ACBD3: variants seen among roughly 807,000 people sequenced by gnomAD.
ACBD3 encodes Golgi resident protein GCP60.
A neutral mutation model predicts 66.9 loss-of-function variants in ACBD3; 30 were observed. The ratio of observed to expected loss-of-function variants is 0.45; its 90% CI spans 0.34 to 0.61. The LOEUF (loss-of-function observed/expected upper bound fraction) is 0.61, where lower values mean the gene tolerates loss of function less well. Among genes scored for constraint, ACBD3 ranks in the 20% least tolerant of loss-of-function variants. The pLI is 0.02. For synonymous variants in ACBD3, 278 were observed against 259.8 expected, an observed-to-expected ratio of 1.07 and a Z score of -0.68; for missense variants, 544 against 664.5, an observed-to-expected ratio of 0.82 and a Z score of 1.99.
rs1311483073 is a variant in ACBD3, at chr1:226,181,806, C to A, written c.286+4584G>T. Among the ~76,000 whole-genome samples, 6 of 152,054 alleles carry A rather than the reference C, an allele frequency of 3.9e-5. 1 individual carries two copies. The South Asian group carries it at 1.2e-3, about 31-fold the overall frequency. ...AGTCCACCCCAAAGAACTCTAAAAA[C>A]CAAAATACAATTCCCCAGGTCAACT... On this transcript the variant is annotated intron_variant, in intron 1 of 7. Transcript: ENST00000366812.
chr1:226,169,744 G>A (rs1173248551), intron 1 of ACBD3, among the ~76,000 whole-genome samples: 4 of 150,776 alleles, frequency 2.7e-5, no homozygotes, highest in Non-Finnish European at 4.4e-5. Flanking sequence ...TTAAGCAGCC[G>A]GGCACAGTGG....
Position 226,164,610 on chromosome 1 carries a change from C to G in ACBD3, c.569+179G>C, listed in dbSNP as rs533489727. Among the ~76,000 whole-genome samples the G allele has an allele frequency of 1.1e-4, 16 of 152,226 alleles. No homozygotes were observed. In the South Asian group the frequency reaches 2.3e-3, roughly 22 times the overall value. On this transcript the variant is annotated intron_variant, in intron 3 of 7. Coordinates refer to ENST00000366812, the MANE Select transcript of ACBD3 (RefSeq NM_022735.4). ...CAGTAGGAAGCAGTCCTCCCTCCCC[C>G]CAAAACTTATAATACAAGTACCTGT...
Position 226,186,488 on chromosome 1 carries a change from G to A in ACBD3, c.188C>T (p.Ala63Val), listed in dbSNP as rs1254788829. 3.4e-6 allele frequency: 5 copies of A among 1,487,084 alleles called. No homozygotes were observed. The Admixed American group carries it at 1.1e-4, about 34-fold the overall frequency. 92.1% of individuals were successfully genotyped at this position (1,487,084 alleles called of 1,614,324 possible). The change falls in exon 1 of 8, where the codon GCG becomes GTG. Residue 63 changes from alanine (A) to valine (V), a missense_variant. Ala to Val is a moderately conservative substitution (Grantham distance 64). Coordinates refer to ENST00000366812, the MANE Select transcript of ACBD3 (RefSeq NM_022735.4). ...ASGEQPEPGE[A>V]AAGGAAEEAR... Reference sequence around the variant, plus strand: ...CTCCTCCGCCGCGCCCCCAGCCGCCGCCTCCCCGGGCTCGGGCTGCTCCCC... The same window carrying A: ...CTCCTCCGCCGCGCCCCCAGCCGCCACCTCCCCGGGCTCGGGCTGCTCCCC...
At chr1:226,147,891 G>A (rs1265407055) in intron 7 of ACBD3, 1 of 152,152 alleles carries the variant, frequency 6.6e-6, no homozygotes, top group Admixed American at 6.5e-5. Context: ...GAGGTCAAGG[G>A]AGTATTCAGC....
intron 5 of ACBD3, among the ~76,000 whole-genome samples, chr1:226,157,459 G>A (rs757369225): frequency 1.3e-5 from 2 of 152,010 alleles, no homozygotes; most frequent in Non-Finnish European, 2.9e-5. Flanking sequence ...GGCTGTTCTC[G>A]AACTCCCAAC....
In ACBD3 at chr1:226,146,782, T is replaced by C. The variant is rs745459470; in HGVS notation, c.1415A>G (p.Asn472Ser). The change falls in exon 8 of 8, where the codon AAC becomes AGC. Residue 472 changes from asparagine to serine, a missense_variant. Asn to Ser is a conservative substitution (Grantham distance 46). Coordinates refer to ENST00000366812, the MANE Select transcript of ACBD3 (RefSeq NM_022735.4). ...GCEEKAKKNA[N>S]KPLLDEIVPV... is the part of the protein sequence containing the mutation. Reference sequence around the variant, plus strand: ...CACAATCTCATCCAGCAAAGGCTTGTTGGCATTCTTTTTGGCTTTCTCTTC... The same window carrying C: ...CACAATCTCATCCAGCAAAGGCTTGCTGGCATTCTTTTTGGCTTTCTCTTC... 2.2e-5 allele frequency: 36 copies of C among 1,614,076 alleles called. No homozygotes were observed. The highest frequency in any genetic ancestry group is 6.7e-5 in the Admixed American group (4 of 59,984).
intron 5 of ACBD3, among the ~76,000 whole-genome samples, chr1:226,157,431 G>A (rs1240630356): frequency 6.6e-6 from 1 of 152,094 alleles, no homozygotes; most frequent in African/African-American, 2.4e-5. Flanking sequence ...TAGAGATGGG[G>A]TTTCTCCATA....
At chr1:226,173,262 C>T (rs1211655633) in intron 1 of ACBD3, among the ~76,000 whole-genome samples, 1 of 152,070 alleles carries the variant, frequency 6.6e-6, no homozygotes, top group Admixed American at 6.6e-5. Context: ...CAGAGTGAGA[C>T]CCTGTCTCAA....
intron 4 of ACBD3, among the ~76,000 whole-genome samples, chr1:226,159,572 T>A (rs989518800): frequency 1.3e-5 from 2 of 152,122 alleles, no homozygotes; most frequent in Admixed American, 1.3e-4. Context: ...CCAGGAAAAT[T>A]CGGGATGGAA....
chr1:226,180,998 C>CA (rs540018230), intron 1 of ACBD3, among the ~76,000 whole-genome samples: 1,816 of 84,008 alleles, frequency 0.022, 36 homozygotes, highest in African/African-American at 0.072. Context: ...GACTCCATCT[C>CA]AAAAAAAAAA....
intron 5 of ACBD3, 108 bp downstream of exon 5, chr1:226,159,076 T>C: frequency 7.8e-7 from 1 of 1,283,784 alleles, no homozygotes. Context: ...CTTTACACCT[T>C]AGAGGCTAAC....
At chr1:226,173,584 G>GA (rs949091694) in intron 1 of ACBD3, among the ~76,000 whole-genome samples, 173 of 151,016 alleles carry the variant, frequency 1.1e-3, no homozygotes, top group Non-Finnish European at 2.3e-3. Flanking sequence ...CTAAGCTTCA[G>GA]AAAAAAAACA....
intron 1 of ACBD3, among the ~76,000 whole-genome samples, chr1:226,177,920 G>T (rs957766574): frequency 6.6e-5 from 10 of 150,960 alleles, no homozygotes; most frequent in Non-Finnish European, 1.0e-4. Flanking sequence ...TTTTTGTGGG[G>T]TTTTTTTTGC....
At position 226,145,644 on chromosome 1, in the gene ACBD3, G is replaced by A. The variant is rs1659432988; in HGVS notation, c.*966C>T. Reference sequence around the variant, plus strand: ...ATAATGTGGGGTTTGTGACTAAGTAGTAACAAATTAAAAGAAAATAGACTG... The same window carrying A: ...ATAATGTGGGGTTTGTGACTAAGTAATAACAAATTAAAAGAAAATAGACTG... On this transcript the variant is annotated 3_prime_UTR_variant, in exon 8 of 8. Transcript: ENST00000366812. The A allele has an allele frequency of 6.6e-6, 1 of 152,568 alleles. No homozygotes were observed. Among genetic ancestry groups the A allele is most frequent in the Admixed American group, 6.5e-5 (1 of 15,276 alleles). The allele number at this position is 152,568 out of a possible 1,614,324, so 9.5% of individuals were successfully genotyped here.
At position 226,145,432 on chromosome 1, in the gene ACBD3, C is replaced by T. The variant is rs925714216; in HGVS notation, c.*1178G>A. ...TTTTCTATCTATACCACTCTCCCTT[C>T]TGAAAACAAGAATCACTAGCCAATC... On this transcript the variant is annotated 3_prime_UTR_variant, in exon 8 of 8. Transcript: ENST00000366812. The T allele has an allele frequency of 6.6e-6, 1 of 152,416 alleles. No individual in the cohort carries two copies. The highest frequency in any genetic ancestry group is 1.5e-5 in the Non-Finnish European group (1 of 67,996). The allele number at this position is 152,416 out of a possible 1,614,324, so 9.4% of individuals were successfully genotyped here.
At position 226,152,019 on chromosome 1, in the gene ACBD3, AT is replaced by A. The variant is rs1444848581; in HGVS notation, c.1375+315del. On this transcript the variant is annotated intron_variant, in intron 7 of 7. Coordinates refer to ENST00000366812, the MANE Select transcript of ACBD3 (RefSeq NM_022735.4). ...GAGACTCTGTCTCAAAAAAAAAAAA[AT>A]TTTTTTTGAAGTAATCTTGCATATT... Among the ~76,000 whole-genome samples the A allele has an allele frequency of 1.6e-4, 25 of 151,966 alleles. No individual in the cohort carries two copies. In the East Asian group the frequency reaches 4.4e-3, roughly 27 times the overall value.
chr1:226,172,762 C>T (rs1235278748), intron 1 of ACBD3, among the ~76,000 whole-genome samples: 1 of 151,862 alleles, frequency 6.6e-6, no homozygotes, highest in African/African-American at 2.4e-5. Flanking sequence ...CTGGGCAACA[C>T]TGCAAGACCC....
chr1:226,174,065 G>A (rs958363438), intron 1 of ACBD3, among the ~76,000 whole-genome samples: 1 of 151,788 alleles, frequency 6.6e-6, no homozygotes, highest in African/African-American at 2.4e-5. Flanking sequence ...ACCCAACCAA[G>A]AATAATTTTC....
intron 1 of ACBD3, among the ~76,000 whole-genome samples, chr1:226,181,393 T>C (rs1656167202): frequency 3.9e-5 from 6 of 152,312 alleles, no homozygotes; most frequent in Admixed American, 2.6e-4. Flanking sequence ...CAAGAGGAAA[T>C]GGAACCATTT....
Sources: gnomAD v4.1 joint callset for allele counts (sites outside exome capture counted in the v4.1 genomes callset) on GRCh38, gnomAD v4.1.1 for gene constraint, MANE v1.5 for transcripts, NCBI Gene and HGNC (gene_info 2026-07-23, HGNC 2026-07-21) for gene names.